FAM227B: variants seen among roughly 807,000 people sequenced by gnomAD.
The protein encoded by FAM227B is protein FAM227B.
Under a neutral mutation model 73.8 loss-of-function variants are expected in FAM227B, and 88 were observed. That is an observed-to-expected ratio of 1.19 (90% confidence interval 1.00 to 1.42). The LOEUF is 1.42. Ranked by LOEUF, FAM227B falls within the 40% of genes most tolerant of loss-of-function variation. The pLI is 0.00. For synonymous variants in FAM227B, 210 were observed against 190.5 expected, an observed-to-expected ratio of 1.10 and a Z score of -0.84; for missense variants, 632 against 590.9, an observed-to-expected ratio of 1.07 and a Z score of -0.72.
At chr15:49,618,703 T>G (rs1193745487) in intron 1 of FAM227B, among the ~76,000 whole-genome samples, 1 of 152,172 alleles carries the variant, frequency 6.6e-6, no homozygotes, top group Non-Finnish European at 1.5e-5. Context: ...TATCACTGCC[T>G]TCCACAGGAG....
intron 3 of FAM227B, among the ~76,000 whole-genome samples, chr15:49,608,621 CAAAT>C (rs576686126): frequency 3.6e-4 from 55 of 151,920 alleles, no homozygotes; most frequent in African/African-American, 1.3e-3. Context: ...AATGAATAAA[CAAAT>C]AAGCAAATAA....
intron 11 of FAM227B, chr15:49,489,199 A>G: frequency 2.1e-6 from 2 of 970,264 alleles, no homozygotes; most frequent in Non-Finnish European, 2.5e-6. Flanking sequence ...AAGCCATTTT[A>G]CAGGCTGCCT....
intron 9 of FAM227B, among the ~76,000 whole-genome samples, chr15:49,542,418 C>T (rs190079254): frequency 1.4e-4 from 21 of 152,200 alleles, no homozygotes; most frequent in Non-Finnish European, 2.9e-4. Flanking sequence ...GATTTTGGTG[C>T]ACTCGCCACC....
At chr15:49,558,847 C>T (rs568227118) in intron 9 of FAM227B, among the ~76,000 whole-genome samples, 2 of 152,216 alleles carry the variant, frequency 1.3e-5, no homozygotes, top group African/African-American at 2.4e-5. Flanking sequence ...GACCACTTCC[C>T]CAGGGCCCAA....
chr15:49,335,501 T>C lies in FAM227B; in HGVS notation c.1272-5A>G. ...CGGTATGTTGGAGCAGGTAGTGTGC[T>C]AGGCTTATTATTAAGGAATGATTTT... On this transcript the variant is annotated splice_region_variant and splice_polypyrimidine_tract_variant and intron_variant, in intron 13 of 15. Coordinates refer to ENST00000299338, the MANE Select transcript of FAM227B (RefSeq NM_152647.3). 1 of 1,607,978 alleles carries C rather than the reference T, an allele frequency of 6.2e-7. No homozygotes were observed. The highest frequency in any genetic ancestry group is 2.2e-5 in the East Asian group (1 of 44,832).
chr15:49,479,971 C>T (rs186790285), intron 11 of FAM227B, among the ~76,000 whole-genome samples: 1 of 152,278 alleles, frequency 6.6e-6, no homozygotes, highest in Admixed American at 6.5e-5. Flanking sequence ...ACTCCCCACA[C>T]TGCAAGTGAA....
At chr15:49,457,402 T>G in intron 11 of FAM227B, among the ~76,000 whole-genome samples, 1 of 152,010 alleles carries the variant, frequency 6.6e-6, no homozygotes, top group Non-Finnish European at 1.5e-5. Flanking sequence ...AGCATTCAAA[T>G]TTCAAAGCTG....
chr15:49,526,853 T>C lies in FAM227B; in HGVS notation c.874+14827A>G, dbSNP rs544426464. On this transcript the variant is annotated intron_variant, in intron 10 of 15. Coordinates refer to ENST00000299338, the MANE Select transcript of FAM227B (RefSeq NM_152647.3). ...CTCCCATGATTGAACCAGGAAGAAA[T>C]AGAAATTCTGAACAGATCAAGTAGG... Among the ~76,000 whole-genome samples the C allele has an allele frequency of 1.5e-3, 230 of 151,772 alleles. 1 individual carries two copies. The highest frequency in any genetic ancestry group is 2.9e-3 in the African/African-American group (121 of 41,422).
chr15:49,533,101 C>A (rs1170956252), intron 10 of FAM227B, among the ~76,000 whole-genome samples: 1 of 151,822 alleles, frequency 6.6e-6, no homozygotes, highest in Non-Finnish European at 1.5e-5. Flanking sequence ...CTTCCATTTT[C>A]ATTTTTTCCT....
At chr15:49,567,720 C>T (rs2152349484) in intron 9 of FAM227B, among the ~76,000 whole-genome samples, 1 of 152,148 alleles carries the variant, frequency 6.6e-6, no homozygotes, top group Middle Eastern at 3.4e-3. Flanking sequence ...GAGATTCCTA[C>T]CATCTTCATT....
intron 9 of FAM227B, among the ~76,000 whole-genome samples, chr15:49,543,914 T>A (rs2071447621): frequency 6.6e-6 from 1 of 152,234 alleles, no homozygotes; most frequent in African/African-American, 2.4e-5. Flanking sequence ...TGTAGTATAG[T>A]TTGAAGTCGG....
At chr15:49,473,601 T>C (rs1189287762) in intron 11 of FAM227B, among the ~76,000 whole-genome samples, 2 of 152,086 alleles carry the variant, frequency 1.3e-5, no homozygotes, top group East Asian at 3.9e-4. Flanking sequence ...TTTGGAGGGG[T>C]ATAATGACTC....
At chr15:49,599,926 T>C (rs2077089416) in intron 3 of FAM227B, among the ~76,000 whole-genome samples, 1 of 152,202 alleles carries the variant, frequency 6.6e-6, no homozygotes, top group Non-Finnish European at 1.5e-5. Context: ...TAGGACCATT[T>C]TGTCTAGAGA....
intron 9 of FAM227B, among the ~76,000 whole-genome samples, chr15:49,543,754 G>A (rs1392021130): frequency 6.6e-6 from 1 of 152,066 alleles, no homozygotes; most frequent in East Asian, 1.9e-4. Context: ...GTTAAATAGG[G>A]TCTCCTTTTC....
In FAM227B at chr15:49,515,392, C is replaced by T. The variant is rs561736780; in HGVS notation, c.875-7044G>A. On this transcript the variant is annotated intron_variant, in intron 10 of 15. Coordinates refer to ENST00000299338, the MANE Select transcript of FAM227B (RefSeq NM_152647.3). Reference sequence around the variant, plus strand: ...GTACCTTTTCCACTAAAGCCTTTCACATATTAATTATGGTTATTTCAAATT... The same window carrying T: ...GTACCTTTTCCACTAAAGCCTTTCATATATTAATTATGGTTATTTCAAATT... Among the ~76,000 whole-genome samples the T allele has an allele frequency of 6.3e-4, 96 of 152,294 alleles. 3 individuals carry two copies. In the South Asian group the frequency reaches 0.019, roughly 31 times the overall value.
intron 11 of FAM227B, among the ~76,000 whole-genome samples, chr15:49,406,403 C>G (rs530314512): frequency 2.0e-5 from 3 of 152,004 alleles, no homozygotes; most frequent in African/African-American, 7.3e-5. Context: ...TGACTGCAGG[C>G]GGTTGCACTG....
At position 49,584,438 on chromosome 15, in the gene FAM227B, C is replaced by T. The variant is rs373170861; in HGVS notation, c.405+3578G>A. Among the ~76,000 whole-genome samples, 16 of 152,178 alleles carry T rather than the reference C, an allele frequency of 1.1e-4. No homozygotes were observed. In the South Asian group the frequency reaches 2.3e-3, roughly 22 times the overall value. The stretch of plus-strand genomic sequence containing the variant: ...AAATAGGCAAAAGCTGGAAGCATTC[C>T]CCTTGAAAACTGGCACAAGAAAAGG... On this transcript the variant is annotated intron_variant, in intron 5 of 15. Coordinates refer to ENST00000299338, the MANE Select transcript of FAM227B (RefSeq NM_152647.3).
chr15:49,475,397 TC>T (rs1313182218), intron 11 of FAM227B, among the ~76,000 whole-genome samples: 2 of 152,204 alleles, frequency 1.3e-5, no homozygotes, highest in Non-Finnish European at 2.9e-5. Context: ...ACCAGGGTAG[TC>T]CTTTGAAAAG....
At chr15:49,529,369 C>T (rs67428220) in intron 10 of FAM227B, among the ~76,000 whole-genome samples, 40,523 of 151,346 alleles carry the variant, frequency 0.27, 5,675 homozygotes, top group East Asian at 0.38. Flanking sequence ...CTATTGGGTA[C>T]TGTGTTTACT....
Sources: allele counts gnomAD v4.1 joint callset (sites outside exome capture counted in the v4.1 genomes callset), GRCh38; gene constraint gnomAD v4.1.1; transcripts MANE v1.5; gene names NCBI Gene and HGNC (gene_info 2026-07-23, HGNC 2026-07-21).